The following DPP10 variants were observed in gnomAD, a reference collection of about 807,000 sequenced individuals.
DPP10 encodes inactive dipeptidyl peptidase 10.
DPP10 carries 33 observed loss-of-function variants against 120.9 expected under a neutral mutation model. The observed-to-expected ratio is 0.27, with a 90% confidence interval of 0.21 to 0.37. DPP10 has a LOEUF of 0.37. Ranked by LOEUF, DPP10 falls within the 10% of genes least tolerant of loss-of-function variation. The probability of loss-of-function intolerance (pLI) is 1.00; values close to 1 mark genes in which losing one functional copy is unlikely to be tolerated. For synonymous variants in DPP10, 337 were observed against 326.1 expected (o/e 1.03, Z -0.36); for missense variants, 816 against 942.8 (o/e 0.87, Z 1.76).
At chr2:115,436,917 A>G (rs941696901) in intron 3 of DPP10, among the ~76,000 whole-genome samples, 4 of 151,922 alleles carry the variant, frequency 2.6e-5, no homozygotes, top group Non-Finnish European at 5.9e-5. Context: ...TAGCCTACCA[A>G]TAGTAAATTC....
At chr2:115,147,013 T>G (rs2051261665) in intron 1 of DPP10, among the ~76,000 whole-genome samples, 2 of 152,118 alleles carry the variant, frequency 1.3e-5, no homozygotes, top group African/African-American at 4.8e-5. Context: ...TAAGATATAC[T>G]TTGTGCTAGG....
rs143250300 is a variant in DPP10, at chr2:114,575,750, G to A, written c.60+132912G>A. 5.6e-3 allele frequency among the ~76,000 whole-genome samples: 845 copies of A among 152,164 alleles called. 12 individuals are homozygous for A. Among genetic ancestry groups the A allele is most frequent in the African/African-American group, 0.019 (773 of 41,524 alleles). On this transcript the variant is annotated intron_variant, in intron 1 of 25. Coordinates refer to ENST00000410059, the MANE Select transcript of DPP10 (RefSeq NM_020868.6). ...GGGGTGGTAGTCTTCTGAGATTGGT[G>A]GAAAACTCATGATTTTCTCAAAGTC... is the stretch of plus-strand genomic sequence containing the variant.
chr2:114,810,522 A>T (rs1685091029), intron 1 of DPP10, among the ~76,000 whole-genome samples: 1 of 152,224 alleles, frequency 6.6e-6, no homozygotes, highest in African/African-American at 2.4e-5. Flanking sequence ...ATACAATAAG[A>T]TATTTTAATG....
At chr2:115,438,643 C>A (rs2071729037) in intron 3 of DPP10, among the ~76,000 whole-genome samples, 1 of 152,192 alleles carries the variant, frequency 6.6e-6, no homozygotes, top group African/African-American at 2.4e-5. Flanking sequence ...AAAGCAGACA[C>A]AAATGGACAA....
intron 1 of DPP10, among the ~76,000 whole-genome samples, chr2:114,548,014 G>A (rs918086428): frequency 1.3e-5 from 2 of 152,160 alleles, no homozygotes; most frequent in Non-Finnish European, 1.5e-5. Context: ...CACAGTTGAC[G>A]TGGTCCCTGG....
chr2:114,450,982 C>T (rs1469363841), intron 1 of DPP10, among the ~76,000 whole-genome samples: 1 of 152,116 alleles, frequency 6.6e-6, no homozygotes, highest in Non-Finnish European at 1.5e-5. Flanking sequence ...ACCACTTCTC[C>T]CAACTCTGGT....
chr2:115,243,122 T>A (rs1279430484), intron 1 of DPP10, among the ~76,000 whole-genome samples: 2 of 152,186 alleles, frequency 1.3e-5, no homozygotes, highest in Non-Finnish European at 2.9e-5. Context: ...GTAAGGTTTA[T>A]CAAATATTTT....
At chr2:115,232,498 A>G (rs186685653) in intron 1 of DPP10, among the ~76,000 whole-genome samples, 162 of 152,254 alleles carry the variant, frequency 1.1e-3, no homozygotes, top group African/African-American at 3.4e-3. Context: ...ACATGCTTCA[A>G]TCTTCAGTTT....
intron 1 of DPP10, among the ~76,000 whole-genome samples, chr2:114,900,956 A>G (rs1199688464): frequency 6.6e-6 from 1 of 152,234 alleles, no homozygotes; most frequent in Non-Finnish European, 1.5e-5. Context: ...CTAACTTATT[A>G]AAACATGCCT....
chr2:114,766,664 A>C (rs775228521), intron 1 of DPP10, among the ~76,000 whole-genome samples: 2 of 152,218 alleles, frequency 1.3e-5, no homozygotes, highest in Admixed American at 6.5e-5. Context: ...ACTTAGTGAA[A>C]AAGTCAAATT....
chr2:114,470,293 C>T (rs1274740448), intron 1 of DPP10, among the ~76,000 whole-genome samples: 4 of 152,096 alleles, frequency 2.6e-5, no homozygotes, highest in African/African-American at 9.7e-5. Flanking sequence ...CACTAGTTCC[C>T]AGTAGGATTC....
At chr2:115,100,459 A>AAAC (rs1553488083) in intron 1 of DPP10, among the ~76,000 whole-genome samples, 1 of 150,370 alleles carries the variant, frequency 6.7e-6, no homozygotes, top group Admixed American at 6.6e-5. Flanking sequence ...TAAATTAAAA[A>AAAC]ACACACACAC....
chr2:114,514,173 C>G (rs775180627), intron 1 of DPP10, among the ~76,000 whole-genome samples: 1 of 152,144 alleles, frequency 6.6e-6, no homozygotes, highest in Non-Finnish European at 1.5e-5. Flanking sequence ...ATAATTTGCT[C>G]GTGGCTAGCT....
At chr2:114,967,407 G>A (rs535475074) in intron 1 of DPP10, among the ~76,000 whole-genome samples, 15 of 152,278 alleles carry the variant, frequency 9.9e-5, no homozygotes, top group Admixed American at 3.3e-4. Context: ...CAGAGAGCCC[G>A]CAGAGGCTTT....
intron 3 of DPP10, among the ~76,000 whole-genome samples, chr2:115,445,712 C>T (rs188737578): frequency 6.6e-6 from 1 of 152,248 alleles, no homozygotes; most frequent in East Asian, 1.9e-4. Flanking sequence ...GCAGCCTGAC[C>T]ATGTGGTAGA....
intron 7 of DPP10, among the ~76,000 whole-genome samples, chr2:115,695,231 A>G (rs967728259): frequency 3.3e-5 from 5 of 152,238 alleles, no homozygotes; most frequent in African/African-American, 9.6e-5. Context: ...CTTTTTTCAC[A>G]TAAGGCTGAT....
intron 1 of DPP10, among the ~76,000 whole-genome samples, chr2:114,569,386 A>T (rs896351063): frequency 6.6e-6 from 1 of 152,192 alleles, no homozygotes; most frequent in Non-Finnish European, 1.5e-5. Context: ...AACACTCCCA[A>T]CTTTGCTTTC....
intron 13 of DPP10, among the ~76,000 whole-genome samples, chr2:115,771,641 A>G (rs1029120772): frequency 7.9e-5 from 12 of 151,628 alleles, no homozygotes; most frequent in Non-Finnish European, 1.3e-4. Context: ...GCCAGCATTG[A>G]TGACTTTTTA....
intron 3 of DPP10, among the ~76,000 whole-genome samples, chr2:115,488,961 T>A (rs1246344141): frequency 6.6e-6 from 1 of 152,046 alleles, no homozygotes; most frequent in Non-Finnish European, 1.5e-5. Context: ...ACATACCTTT[T>A]AGAGTGTATG....
Sources: allele counts gnomAD v4.1 joint callset (sites outside exome capture counted in the v4.1 genomes callset), GRCh38; gene constraint gnomAD v4.1.1; transcripts MANE v1.5; gene names NCBI Gene and HGNC (gene_info 2026-07-23, HGNC 2026-07-21).